The following CFI variants were observed in gnomAD, a reference collection of about 807,000 sequenced individuals.
CFI encodes complement factor I.
A neutral mutation model predicts 78.8 loss-of-function variants in CFI; 66 were observed. The ratio of observed to expected loss-of-function variants is 0.84; its 90% CI spans 0.69 to 1.03. The LOEUF (loss-of-function observed/expected upper bound fraction) is 1.03. Among genes scored for constraint, CFI ranks in the 50% least tolerant of loss-of-function variants. The pLI is 0.00. For synonymous variants in CFI, 250 were observed against 232.6 expected, an observed-to-expected ratio of 1.07 and a Z score of -0.68; for missense variants, 706 against 704.5, an observed-to-expected ratio of 1.00 and a Z score of -0.02.
intron 8 of CFI, 65 bp downstream of exon 8, chr4:109,752,403 A>C: frequency 7.0e-7 from 1 of 1,422,548 alleles, no homozygotes; most frequent in Non-Finnish European, 9.9e-7. Context: ...ATATATATGC[A>C]AATGACACTG....
At chr4:109,742,943 T>C (rs1190754495) in intron 11 of CFI, among the ~76,000 whole-genome samples, 3 of 152,212 alleles carry the variant, frequency 2.0e-5, no homozygotes, top group Admixed American at 6.5e-5. Flanking sequence ...ACCTCCTATC[T>C]TCTCACAGTC....
At chr4:109,749,704 C>T in intron 8 of CFI, 102 bp from the exon 9 acceptor site, 1 of 739,944 alleles carries the variant, frequency 1.4e-6, no homozygotes, top group Admixed American at 1.9e-5. Flanking sequence ...GAGTCACAGC[C>T]AGTACAAGAC....
At chr4:109,734,497 A>G in the CFI span, among the ~76,000 whole-genome samples, 2 of 152,188 alleles carry the variant, frequency 1.3e-5, no homozygotes, top group African/African-American at 4.8e-5. Flanking sequence ...TCAGAGGAAG[A>G]AAAGAATTAG....
chr4:109,792,900 A>T (rs976648627), intron 1 of CFI, among the ~76,000 whole-genome samples: 2 of 152,160 alleles, frequency 1.3e-5, no homozygotes, highest in Non-Finnish European at 2.9e-5. Flanking sequence ...TAATAATTTT[A>T]AAAAACTGAT....
rs2126209798 is a variant in CFI, at chr4:109,757,764, T to C, written c.903A>G (p.Gln301=). ...CCCAAATTTTAATAAAAATTTTACC[T>C]TGAGTCACAGATGCAAAGCCTGAAG... ...VGCAGFASVT[Q]EETEILTADM... is the part of the protein sequence containing the mutation. Residue 301 remains glutamine, a splice_region_variant and synonymous_variant, in exon 7 of 13, where the codon CAA becomes CAG. Transcript: ENST00000394634. The C allele has an allele frequency of 6.9e-7, 1 of 1,442,846 alleles. No individual in the cohort carries two copies. The allele number at this position is 1,442,846 out of a possible 1,614,324, so 89.4% of individuals were successfully genotyped here.
At chr4:109,782,215 G>A (rs928635267) in intron 1 of CFI, among the ~76,000 whole-genome samples, 13 of 151,990 alleles carry the variant, frequency 8.6e-5, no homozygotes, top group East Asian at 1.9e-4. Context: ...CATCCAAACC[G>A]GTAAAGAGGA....
chr4:109,754,184 A>C (rs1725819668), intron 7 of CFI, among the ~76,000 whole-genome samples: 1 of 151,104 alleles, frequency 6.6e-6, no homozygotes, highest in African/African-American at 2.4e-5. Context: ...GGGTTTTACC[A>C]TATTGGTCAG....
chr4:109,761,634 A>G lies in CFI; in HGVS notation c.541T>C (p.Cys181Arg). Residue 181 changes from cysteine (C) to arginine (R), a missense_variant, in exon 4 of 13, where the codon TGT becomes CGT. Physicochemically the swap from Cys to Arg is radical, Grantham distance 180. Coordinates refer to ENST00000394634, the MANE Select transcript of CFI (RefSeq NM_000204.5). ...AATCCTCGGCAATGCACATGTAGAC[A>G]TTCAGTGGAATTTATAGAGAGATCA... ...LSDLSINSTE[C>R]LHVHCRGLET... The G allele has an allele frequency of 6.2e-7, 1 of 1,613,850 alleles. No homozygotes were observed. The highest frequency in any genetic ancestry group is 8.5e-7 in the Non-Finnish European group (1 of 1,179,752).
intron 1 of CFI, among the ~76,000 whole-genome samples, chr4:109,768,033 CA>C (rs1212830706): frequency 2.0e-5 from 3 of 146,654 alleles, no homozygotes; most frequent in Non-Finnish European, 4.4e-5. Flanking sequence ...ATTGCAAGGA[CA>C]AAAAACCAAA....
At chr4:109,798,101 T>C (rs1732286200) in intron 1 of CFI, among the ~76,000 whole-genome samples, 2 of 152,144 alleles carry the variant, frequency 1.3e-5, no homozygotes, top group South Asian at 4.1e-4. Flanking sequence ...AAATACCACA[T>C]AATACAACTT....
At chr4:109,788,239 TG>T (rs1730985975) in intron 1 of CFI, among the ~76,000 whole-genome samples, 1 of 152,132 alleles carries the variant, frequency 6.6e-6, no homozygotes. Flanking sequence ...GATACTTCCC[TG>T]GAAGTGAAAT....
At chr4:109,764,483 G>A (rs1431759868) in intron 3 of CFI, 54 bp downstream of exon 3, 1 of 1,598,010 alleles carries the variant, frequency 6.3e-7, no homozygotes, top group African/African-American at 1.3e-5. Context: ...TAATCAAAAA[G>A]CAAACAGAAC....
At chr4:109,775,416 G>A (rs1056049384) in intron 1 of CFI, among the ~76,000 whole-genome samples, 9 of 152,236 alleles carry the variant, frequency 5.9e-5, no homozygotes, top group African/African-American at 2.2e-4. Flanking sequence ...ACAGCAGTCT[G>A]AGATCAAACT....
chr4:109,764,341 A>G, intron 3 of CFI, 196 bp downstream of exon 3: 1 of 640,678 alleles, frequency 1.6e-6, no homozygotes, highest in Admixed American at 2.5e-5. Context: ...CTTATTATCC[A>G]TGCTTTGTTG....
At chr4:109,773,385 G>A (rs181459024) in intron 1 of CFI, among the ~76,000 whole-genome samples, 180 of 152,168 alleles carry the variant, frequency 1.2e-3, no homozygotes, top group Middle Eastern at 3.4e-3. Context: ...GCATGGTGGC[G>A]TGTGCATGTA....
intron 11 of CFI, among the ~76,000 whole-genome samples, chr4:109,743,750 G>A (rs1375562425): frequency 5.3e-5 from 8 of 152,106 alleles, no homozygotes; most frequent in Non-Finnish European, 1.2e-4. Context: ...CTCATCCCAG[G>A]ACTTTGGGAG....
chr4:109,749,363 A>G, intron 9 of CFI, 42 bp from the exon 10 acceptor site: 2 of 1,562,856 alleles, frequency 1.3e-6, no homozygotes, highest in South Asian at 1.1e-5. Context: ...TCTAACAGAT[A>G]GCGATACAAA....
intron 6 of CFI, chr4:109,758,097 C>A: frequency 1.8e-6 from 1 of 548,256 alleles, no homozygotes. Context: ...AGAGCTCATC[C>A]CTAAATAAGA....
At chr4:109,746,054 G>A (rs1415957458) in intron 11 of CFI, among the ~76,000 whole-genome samples, 168 bp downstream of exon 11, 3 of 152,140 alleles carry the variant, frequency 2.0e-5, no homozygotes, top group Admixed American at 2.0e-4. Context: ...GGGGTGCTGG[G>A]CAGCTGCACA....
Sources: allele counts gnomAD v4.1 joint callset (sites outside exome capture counted in the v4.1 genomes callset), GRCh38; gene constraint gnomAD v4.1.1; transcripts MANE v1.5; gene names NCBI Gene and HGNC (gene_info 2026-07-23, HGNC 2026-07-21).